PRKG1: variants seen among roughly 807,000 people sequenced by gnomAD.
PRKG1 encodes protein kinase cGMP-dependent 1.
A neutral mutation model predicts 88.1 loss-of-function variants in PRKG1; 35 were observed. The ratio of observed to expected loss-of-function variants is 0.40; its 90% CI spans 0.30 to 0.53. The LOEUF (loss-of-function observed/expected upper bound fraction) is 0.53. Among genes scored for constraint, PRKG1 ranks in the 20% least tolerant of loss-of-function variants. The pLI, the probability that PRKG1 is intolerant of heterozygous loss-of-function variation, is 0.59. For missense variants in PRKG1, 540 were observed against 839.8 expected, an observed-to-expected ratio of 0.64 and a Z score of 4.41; for synonymous variants, 303 against 292.5, an observed-to-expected ratio of 1.04 and a Z score of -0.37.
chr10:50,998,440 C>T (rs772148587), intron 1 of PRKG1, among the ~76,000 whole-genome samples: 1 of 152,160 alleles, frequency 6.6e-6, no homozygotes, highest in South Asian at 2.1e-4. Flanking sequence ...ATTTATTAAT[C>T]GTTCATGTTG....
intron 3 of PRKG1, chr10:51,699,101 C>A: frequency 6.2e-7 from 1 of 1,614,190 alleles, no homozygotes; most frequent in Non-Finnish European, 8.5e-7. Context: ...GTTTTGGACA[C>A]AGAGCTTCAT....
intron 12 of PRKG1, among the ~76,000 whole-genome samples, chr10:52,278,013 T>C (rs1356563187): frequency 6.6e-6 from 1 of 151,760 alleles, no homozygotes; most frequent in Non-Finnish European, 1.5e-5. Flanking sequence ...CTGATGTAAA[T>C]GAGTAAACAG....
At chr10:51,489,443 G>GCAGCAT (rs1037902318) in intron 3 of PRKG1, among the ~76,000 whole-genome samples, 1 of 152,146 alleles carries the variant, frequency 6.6e-6, no homozygotes, top group African/African-American at 2.4e-5. Flanking sequence ...CCCCCAACTA[G>GCAGCAT]CAGCATCAGC....
intron 2 of PRKG1, among the ~76,000 whole-genome samples, chr10:51,449,522 A>C (rs995043002): frequency 1.4e-5 from 2 of 147,490 alleles, no homozygotes; most frequent in Non-Finnish European, 3.0e-5. Context: ...TTAGGATAAC[A>C]TTAAAAATAA....
intron 2 of PRKG1, among the ~76,000 whole-genome samples, chr10:51,343,935 A>G (rs1448466135): frequency 6.6e-6 from 1 of 152,198 alleles, no homozygotes. Context: ...TGTTTTTTAA[A>G]TACTAAAGGA....
Position 51,420,578 on chromosome 10 carries a change from A to G in PRKG1, c.479-47145A>G, listed in dbSNP as rs80193248. On this transcript the variant is annotated intron_variant, in intron 2 of 17. Transcript: ENST00000373980. ...CTAGGGGCTGAGAACCACAGTAGCT[A>G]TAGGTCAAAGGTGAACCACAGATAC... Among the ~76,000 whole-genome samples, 502 of 152,294 alleles carry G rather than the reference A, an allele frequency of 3.3e-3. 2 individuals are homozygous for G. The highest frequency in any genetic ancestry group is 0.012 in the African/African-American group (483 of 41,570).
intron 5 of PRKG1, among the ~76,000 whole-genome samples, chr10:51,937,731 C>T (rs1041524014): frequency 1.3e-5 from 2 of 152,030 alleles, no homozygotes; most frequent in Admixed American, 1.3e-4. Context: ...TATTTAAATG[C>T]CTGATTTCCA....
chr10:52,224,808 C>CATATATATATATCTATATAT (rs1840342794), intron 9 of PRKG1, among the ~76,000 whole-genome samples: 1 of 106,370 alleles, frequency 9.4e-6, no homozygotes, highest in Admixed American at 9.4e-5. Flanking sequence ...AGTATTCCAT[C>CATATATATATATCTATATAT]ATATATATAT....
At chr10:51,549,028 G>A (rs1264411834) in intron 3 of PRKG1, among the ~76,000 whole-genome samples, 1 of 150,710 alleles carries the variant, frequency 6.6e-6, no homozygotes, top group Non-Finnish European at 1.5e-5. Flanking sequence ...CTTCAGTCAA[G>A]AATAATCATG....
chr10:51,444,695 A>G (rs992994433), intron 2 of PRKG1, among the ~76,000 whole-genome samples: 3 of 151,916 alleles, frequency 2.0e-5, no homozygotes, highest in African/African-American at 4.8e-5. Context: ...ATTAGGCTGA[A>G]AGCTTCAGCT....
intron 2 of PRKG1, among the ~76,000 whole-genome samples, chr10:51,314,941 A>G (rs1434489656): frequency 1.3e-5 from 2 of 152,348 alleles, no homozygotes; most frequent in African/African-American, 4.8e-5. Context: ...GTTTCTACTC[A>G]TGCCATTTTT....
At chr10:52,019,266 T>C (rs1279183724) in intron 5 of PRKG1, among the ~76,000 whole-genome samples, 3 of 152,120 alleles carry the variant, frequency 2.0e-5, no homozygotes, top group Non-Finnish European at 2.9e-5. Flanking sequence ...GGGGATCAAA[T>C]TTCACCACGA....
intron 2 of PRKG1, among the ~76,000 whole-genome samples, chr10:51,402,598 C>A (rs549664791): frequency 6.6e-6 from 1 of 152,118 alleles, no homozygotes; most frequent in African/African-American, 2.4e-5. Context: ...TATTAATGAT[C>A]AGAGATGATG....
chr10:51,645,363 T>A (rs1455600034), intron 3 of PRKG1, among the ~76,000 whole-genome samples: 1 of 152,168 alleles, frequency 6.6e-6, no homozygotes, highest in Non-Finnish European at 1.5e-5. Flanking sequence ...TGCAACAACA[T>A]CTTATATGTT....
chr10:51,559,454 G>T (rs1837401459), intron 3 of PRKG1, among the ~76,000 whole-genome samples: 1 of 152,034 alleles, frequency 6.6e-6, no homozygotes, highest in Non-Finnish European at 1.5e-5. Flanking sequence ...TAGAGACTTG[G>T]AATCAGTTCC....
chr10:51,910,879 T>G (rs770434306), intron 5 of PRKG1: 1 of 152,176 alleles, frequency 6.6e-6, no homozygotes, highest in Non-Finnish European at 1.5e-5. Flanking sequence ...TGACTTTTAG[T>G]CTCATGAGGT....
intron 2 of PRKG1, among the ~76,000 whole-genome samples, chr10:51,376,541 TTTAAA>T (rs1842820393): frequency 1.3e-5 from 2 of 152,242 alleles, no homozygotes; most frequent in Admixed American, 1.3e-4. Context: ...TTTTTTGTAT[TTTAAA>T]TTAGTTTTAG....
rs925539809 is a variant in PRKG1, at chr10:51,270,813, A to T, written c.478+117483A>T. ...AGTTGTCATGAAACTGAGAAAACCG[A>T]GTTGCCTCTTTTGAGGGAAAATATA... On this transcript the variant is annotated intron_variant, in intron 2 of 17. Coordinates refer to ENST00000373980, the MANE Select transcript of PRKG1 (RefSeq NM_006258.4). Among the ~76,000 whole-genome samples, 7 of 152,182 alleles carry T rather than the reference A, an allele frequency of 4.6e-5. No individual in the cohort carries two copies. The East Asian group carries it at 1.3e-3, about 29-fold the overall frequency.
At chr10:51,479,245 C>T (rs1840288288) in intron 3 of PRKG1, among the ~76,000 whole-genome samples, 1 of 151,776 alleles carries the variant, frequency 6.6e-6, no homozygotes, top group South Asian at 2.1e-4. Flanking sequence ...TCGTAATTTT[C>T]TGATCATAAA....
Sources: gnomAD v4.1 joint callset for allele counts (sites outside exome capture counted in the v4.1 genomes callset) on GRCh38, gnomAD v4.1.1 for gene constraint, MANE v1.5 for transcripts, NCBI Gene and HGNC (gene_info 2026-07-23, HGNC 2026-07-21) for gene names.